DNAH2: variants seen among roughly 807,000 people sequenced by gnomAD.
DNAH2 encodes axonemal beta dynein heavy chain 2.
In DNAH2, 323 loss-of-function variants were observed where a neutral mutation model predicts 523.5. The ratio of observed to expected loss-of-function variants is 0.62; its 90% confidence interval spans 0.56 to 0.68. The LOEUF (loss-of-function observed/expected upper bound fraction) is 0.68. DNAH2 is among the 30% of genes least tolerant of loss of function. DNAH2 has a pLI of 0.00. For missense variants in DNAH2, 4,907 were observed against 5,701.5 expected, an observed-to-expected ratio of 0.86 and a Z score of 4.49; for synonymous variants, 2,093 against 2,177.4, an observed-to-expected ratio of 0.96 and a Z score of 1.08.
chr17:7,764,516 A>G (rs1419425805), intron 20 of DNAH2, among the ~76,000 whole-genome samples: 1 of 149,650 alleles, frequency 6.7e-6, no homozygotes, highest in Non-Finnish European at 1.5e-5. Flanking sequence ...GCTGGAGTGC[A>G]GTGGCACGAT....
At chr17:7,804,167 T>TCGAGACACA (rs2077298507) in intron 58 of DNAH2, 89 bp from the exon 59 acceptor site, 1 of 1,374,972 alleles carries the variant, frequency 7.3e-7, no homozygotes, top group Non-Finnish European at 1.0e-6. Flanking sequence ...GAAGGCGGAC[T>TCGAGACACA]CGAGACACAC....
Position 7,786,337 on chromosome 17 carries a change from G to A in DNAH2, c.6343G>A (p.Val2115Ile), listed in dbSNP as rs886227566. Residue 2115 changes from valine (V) to isoleucine (I), a missense_variant, in exon 40 of 86, where the codon GTT becomes ATT. Around this residue, in one of 3 missense-constraint regions of DNAH2, gnomAD observed 2,806 missense variants for 3,190.8 expected, o/e 0.88. Transcript: ENST00000572933. The surrounding 1 kb of genome is among the most constrained non-coding windows in gnomAD (Gnocchi z 7.5). ...CRAGDPNFNI[V>I]REFPLNPKAL... Reference sequence around the variant, plus strand: ...CGCCGGAGACCCTAACTTCAACATTGTTAGAGTACGGGGCTGGGACAGTGG... The same window carrying A: ...CGCCGGAGACCCTAACTTCAACATTATTAGAGTACGGGGCTGGGACAGTGG... 1 of 1,611,652 alleles carries A rather than the reference G, an allele frequency of 6.2e-7. No homozygotes were observed. The highest frequency in any genetic ancestry group is 1.3e-5 in the African/African-American group (1 of 74,862).
intron 22 of DNAH2, among the ~76,000 whole-genome samples, 159 bp downstream of exon 22, chr17:7,766,640 C>CTTTTTTT (rs58072098): frequency 1.5e-4 from 13 of 84,444 alleles, no homozygotes; most frequent in Non-Finnish European, 2.7e-4. Flanking sequence ...AAAATTAATC[C>CTTTTTTT]TTTTTTTTTT....
At chr17:7,816,886 C>G in intron 64 of DNAH2, 151 bp downstream of exon 64, 7 of 979,232 alleles carry the variant, frequency 7.1e-6, no homozygotes, top group Non-Finnish European at 1.0e-5. Flanking sequence ...CTTCCCCTCC[C>G]CCTGCACACC....
intron 73 of DNAH2, among the ~76,000 whole-genome samples, chr17:7,822,051 G>A (rs1413725818): frequency 2.6e-5 from 4 of 152,154 alleles, no homozygotes; most frequent in Non-Finnish European, 4.4e-5. Context: ...GCTTACTGCA[G>A]CCTCGACCTC....
rs1283613610 is a variant in DNAH2 at position 7,791,107 on chromosome 17, CTT to C, written c.6901-809_6901-808del. Among the ~76,000 whole-genome samples, 4 of 150,904 alleles carry C rather than the reference CTT, an allele frequency of 2.7e-5. No homozygotes were observed. The East Asian group carries it at 7.8e-4, about 29-fold the overall frequency. Reference sequence around the variant, plus strand: ...TTGTTTTTGGAGATGGAGTTTTGCTCTTGTTGCCCAGGCTGGAGCGCAGCGGT... The same window carrying C: ...TTGTTTTTGGAGATGGAGTTTTGCTCGTTGCCCAGGCTGGAGCGCAGCGGT... On this transcript the variant is annotated intron_variant, in intron 44 of 85. Transcript: ENST00000572933.
At position 7,758,971 on chromosome 17, in the gene DNAH2, C is replaced by T. The variant is rs751645007; in HGVS notation, c.2295C>T (p.Arg765=). Residue 765 remains arginine, a synonymous_variant, in exon 15 of 86, where the codon CGC becomes CGT. Coordinates refer to ENST00000572933, the MANE Select transcript of DNAH2 (RefSeq NM_020877.5). The part of the protein sequence containing the change: ...AQEMSEKLLV[R]ISGKRVYRDL... ...AGATGTCAGAGAAGCTGCTGGTACG[C>T]ATTAGTGGCAAACGGGTATACAGGG... The T allele has an allele frequency of 1.9e-6, 3 of 1,614,134 alleles. No homozygotes were observed. The highest frequency in any genetic ancestry group is 2.5e-6 in the Non-Finnish European group (3 of 1,180,016).
chr17:7,752,327 T>C (rs1481337165), intron 12 of DNAH2, among the ~76,000 whole-genome samples: 1 of 152,186 alleles, frequency 6.6e-6, no homozygotes, highest in Admixed American at 6.5e-5. Flanking sequence ...ATTTTGTACC[T>C]AGCAACTTTT....
At position 7,798,093 on chromosome 17, in the gene DNAH2, G is replaced by C; in HGVS notation, c.8231-64G>C. The C allele has an allele frequency of 2.0e-6, 3 of 1,517,952 alleles. No homozygotes were observed. The highest frequency in any genetic ancestry group is 2.6e-6 in the Non-Finnish European group (3 of 1,134,200). 94.0% of individuals were successfully genotyped at this position (1,517,952 alleles called of 1,614,324 possible). On this transcript the variant is annotated intron_variant, in intron 53 of 85. Transcript: ENST00000572933. This position sits in a 1 kb window ranked among gnomAD's most constrained non-coding sequence, Gnocchi z 5.5. ...TTCAGGGGCCCCAATCCCTAGCCTA[G>C]GGCCTGGAGGTCCCCTGAGTTTGCT...
At position 7,798,535 on chromosome 17, in the gene DNAH2, T is replaced by A. The variant is rs1351284911; in HGVS notation, c.8399-23T>A. 13 of 1,612,848 alleles carry A rather than the reference T, an allele frequency of 8.1e-6. No homozygotes were observed. Among genetic ancestry groups the A allele is most frequent in the Non-Finnish European group, 1.0e-5 (12 of 1,179,636 alleles). ...GGATGGGGAATCTGCAGTGAGTTTG[T>A]CCTCCTTCCCTCCCCCGGCCAGATA... is the stretch of plus-strand genomic sequence containing the variant. On this transcript the variant is annotated intron_variant, in intron 54 of 85. Coordinates refer to ENST00000572933, the MANE Select transcript of DNAH2 (RefSeq NM_020877.5). This position sits in a 1 kb window ranked among gnomAD's most constrained non-coding sequence, Gnocchi z 5.5.
chr17:7,740,164 C>T (rs956180556), intron 9 of DNAH2, among the ~76,000 whole-genome samples: 4 of 151,946 alleles, frequency 2.6e-5, no homozygotes, highest in Admixed American at 6.6e-5. Flanking sequence ...GGTTCTGCCA[C>T]ATACCAGATA....
Position 7,824,666 on chromosome 17 carries a change from A to G in DNAH2, c.11792A>G (p.His3931Arg), listed in dbSNP as rs770849710. 13 of 1,605,576 alleles carry G rather than the reference A, an allele frequency of 8.1e-6. No homozygotes were observed. The Admixed American group carries it at 2.0e-4, about 25-fold the overall frequency. Residue 3931 changes from histidine (H) to arginine (R), a missense_variant, in exon 77 of 86, where the codon CAC becomes CGC. By Grantham distance (29) the His-to-Arg change is conservative. Around this residue, in one of 3 missense-constraint regions of DNAH2, gnomAD observed 1,851 missense variants for 2,139.4 expected, o/e 0.87. Coordinates refer to ENST00000572933, the MANE Select transcript of DNAH2 (RefSeq NM_020877.5). ...CGCCTCTGGCTCAGCTCCATCCCCC[A>G]CCCAGACTTCCCTATCTCAATCTTG... ...SFRLWLSSIP[H>R]PDFPISILQV...
intron 11 of DNAH2, among the ~76,000 whole-genome samples, chr17:7,742,058 C>A (rs530279571): frequency 2.6e-5 from 4 of 152,124 alleles, no homozygotes; most frequent in African/African-American, 9.7e-5. Context: ...GATCCAGAGA[C>A]CTGGACAGGT....
At position 7,830,284 on chromosome 17, in the gene DNAH2, A is replaced by C. The variant is rs2078134047; in HGVS notation, c.11854-16A>C. The C allele has an allele frequency of 6.2e-7, 1 of 1,608,776 alleles. No homozygotes were observed. The highest frequency in any genetic ancestry group is 1.7e-5 in the Admixed American group (1 of 59,648). ...GTGATGCATGTCACCCCATCTTTAT[A>C]TTTCATTGTCCCCAGGGCCTAAAGG... On this transcript the variant is annotated splice_polypyrimidine_tract_variant and intron_variant, in intron 77 of 85. Coordinates refer to ENST00000572933, the MANE Select transcript of DNAH2 (RefSeq NM_020877.5).
chr17:7,731,780 G>A (rs1387758248), intron 4 of DNAH2, among the ~76,000 whole-genome samples: 2 of 152,112 alleles, frequency 1.3e-5, no homozygotes, highest in African/African-American at 2.4e-5. Flanking sequence ...TATAATCCTA[G>A]CACTTTGGGA....
At position 7,817,285 on chromosome 17, in the gene DNAH2, G is replaced by A. The variant is rs369712679; in HGVS notation, c.9895-5G>A. On this transcript the variant is annotated splice_polypyrimidine_tract_variant and splice_region_variant and intron_variant, in intron 64 of 85. Coordinates refer to ENST00000572933, the MANE Select transcript of DNAH2 (RefSeq NM_020877.5). ...GGCAGGCTTACCCTCCCTCCTGTCC[G>A]CCAGGGCCTGGAGGAGGACCTGGGC... The A allele has an allele frequency of 2.1e-5, 34 of 1,587,460 alleles. No homozygotes were observed. Among genetic ancestry groups the A allele is most frequent in the African/African-American group, 4.1e-5 (3 of 72,992 alleles).
At chr17:7,722,187 CGGGGG>C (rs56380951) in intron 2 of DNAH2, among the ~76,000 whole-genome samples, 2 of 144,398 alleles carry the variant, frequency 1.4e-5, no homozygotes, top group Non-Finnish European at 3.0e-5. Flanking sequence ...TTTATAGAGA[CGGGGG>C]GGGGGGTTCA....
intron 11 of DNAH2, among the ~76,000 whole-genome samples, chr17:7,741,282 CTTTCTTT>C (rs2075321858): frequency 1.7e-5 from 1 of 59,348 alleles, no homozygotes; most frequent in Non-Finnish European, 3.0e-5. Flanking sequence ...TTCTTTCTTT[CTTTCTTT>C]CTTTCTTCCT....
intron 53 of DNAH2, 28 bp downstream of exon 53, chr17:7,797,857 C>T (rs982750066): frequency 6.3e-7 from 1 of 1,587,622 alleles, no homozygotes; most frequent in Non-Finnish European, 8.6e-7. Flanking sequence ...CTATCCCCTT[C>T]CCCATCATCT....
Sources: gnomAD v4.1 joint callset for allele counts (sites outside exome capture counted in the v4.1 genomes callset) on GRCh38, gnomAD v4.1.1 for gene constraint, gnomAD v4.1.1 regional missense constraint, Gnocchi (gnomAD v3.1) non-coding constraint, MANE v1.5 for transcripts, NCBI Gene and HGNC (gene_info 2026-07-23, HGNC 2026-07-21) for gene names.